Variants in EXOSC9 observed in about 807,000 individuals in gnomAD.
The protein encoded by EXOSC9 is exosome component 9.
EXOSC9 carries 38 observed loss-of-function variants against 56.5 expected under a neutral mutation model. The observed-to-expected ratio is 0.67, with a 90% CI of 0.52 to 0.88. The LOEUF (loss-of-function observed/expected upper bound fraction) is 0.88. EXOSC9 is among the 40% of genes least tolerant of loss of function. EXOSC9 has a pLI of 0.00. For synonymous variants in EXOSC9, 170 were observed against 170.8 expected (o/e 0.99, Z 0.04); for missense variants, 559 against 530.5 (o/e 1.05, Z -0.53).
At chr4:121,803,642 G>C (rs1364811503) in intron 4 of EXOSC9, among the ~76,000 whole-genome samples, 1 of 152,142 alleles carries the variant, frequency 6.6e-6, no homozygotes, top group African/African-American at 2.4e-5. Context: ...CCCTGTTCAA[G>C]CGATTCTCCC....
chr4:121,802,697 A>G lies in EXOSC9; in HGVS notation c.185A>G (p.Glu62Gly), dbSNP rs1380811512. Residue 62 changes from glutamate to glycine, a missense_variant, in exon 3 of 12, where the codon GAA becomes GGA. By Grantham distance (98) the Glu-to-Gly change is moderately conservative. Coordinates refer to ENST00000243498, the MANE Select transcript of EXOSC9 (RefSeq NM_005033.3). The part of the protein sequence containing the change: ...KTRVLGQVSC[E>G]LVSPKLNRAT... ...AGAGTTCTTGGACAGGTTTCCTGTG[A>G]ACTTGTGTCTCCAAAACTCAATCGG... 1.9e-6 allele frequency: 3 copies of G among 1,614,110 alleles called. No homozygotes were observed. The highest frequency in any genetic ancestry group is 2.5e-6 in the Non-Finnish European group (3 of 1,179,986).
intron 6 of EXOSC9, among the ~76,000 whole-genome samples, chr4:121,808,254 GA>G (rs1015430212): frequency 2.2e-4 from 30 of 133,588 alleles, no homozygotes; most frequent in African/African-American, 7.2e-4. Flanking sequence ...AAGGACTAGA[GA>G]AACACTTACA....
At chr4:121,808,518 C>T (rs577959003) in intron 6 of EXOSC9, among the ~76,000 whole-genome samples, 102 of 152,130 alleles carry the variant, frequency 6.7e-4, no homozygotes, top group African/African-American at 2.2e-3. Context: ...CACCACCATG[C>T]CTAGCTAATT....
At chr4:121,813,045 A>G (rs1169800164) in intron 8 of EXOSC9, among the ~76,000 whole-genome samples, 189 bp from the exon 9 acceptor site, 1 of 152,202 alleles carries the variant, frequency 6.6e-6, no homozygotes, top group Non-Finnish European at 1.5e-5. Flanking sequence ...GGTTTAATAA[A>G]TGATTATGCT....
intron 2 of EXOSC9, 38 bp from the exon 3 acceptor site, chr4:121,802,636 G>A (rs750254037): frequency 2.5e-6 from 4 of 1,599,602 alleles, no homozygotes; most frequent in Non-Finnish European, 3.4e-6. Flanking sequence ...TGGAAGGAGA[G>A]TCTATTTGGT....
chr4:121,811,770 A>T (rs1175910370), intron 8 of EXOSC9, 99 bp downstream of exon 8: 9 of 510,214 alleles, frequency 1.8e-5, no homozygotes, highest in Non-Finnish European at 3.4e-6. Context: ...CATGAACTTG[A>T]TTTCACATAC....
intron 8 of EXOSC9, among the ~76,000 whole-genome samples, chr4:121,812,009 G>C (rs1397805165): frequency 2.0e-5 from 3 of 152,184 alleles, no homozygotes; most frequent in Admixed American, 6.5e-5. Context: ...AAGCATTATT[G>C]ATGCAGTGAC....
chr4:121,806,283 G>A (rs1251418822), intron 5 of EXOSC9, among the ~76,000 whole-genome samples: 2 of 152,044 alleles, frequency 1.3e-5, no homozygotes, highest in African/African-American at 4.8e-5. Context: ...CTCCCAAGTA[G>A]CTGGGATTGC....
rs537463367 is a variant in EXOSC9 at position 121,816,882 on chromosome 4, A to ATAAC, written c.*29_*32dup. ...AGCTAACAGTTGTATATCTGTATATATAACTATTAAAAGGGATATTTATTC... is the reference window on the plus strand; with the variant it reads ...AGCTAACAGTTGTATATCTGTATATATAACTAACTATTAAAAGGGATATTTATTC... On this transcript the variant is annotated 3_prime_UTR_variant, in exon 12 of 12. Transcript: ENST00000243498. 88 of 1,515,220 alleles carry ATAAC rather than the reference A, an allele frequency of 5.8e-5. No individual in the cohort carries two copies. The highest frequency in any genetic ancestry group is 2.7e-4 in the South Asian group (21 of 79,136). The allele number at this position is 1,515,220 out of a possible 1,614,324, so 93.9% of individuals were successfully genotyped here.
At chr4:121,806,867 C>T (rs1466024483) in intron 5 of EXOSC9, among the ~76,000 whole-genome samples, 1 of 152,050 alleles carries the variant, frequency 6.6e-6, no homozygotes, top group Admixed American at 6.6e-5. Context: ...ACACCAGACT[C>T]CTACGGACTA....
At chr4:121,816,622 C>A in intron 11 of EXOSC9, 150 bp from the exon 12 acceptor site, 2 of 865,484 alleles carry the variant, frequency 2.3e-6, no homozygotes, top group Non-Finnish European at 3.4e-6. Context: ...AAAATTAGGA[C>A]CTAAATCTAT....
At chr4:121,809,899 T>C (rs1411812691) in intron 6 of EXOSC9, 68 bp from the exon 7 acceptor site, 13 of 1,584,750 alleles carry the variant, frequency 8.2e-6, no homozygotes, top group Non-Finnish European at 1.1e-5. Flanking sequence ...CTTTTAAAAA[T>C]TCATTACCCA....
chr4:121,816,894 A>T lies in EXOSC9; in HGVS notation c.*38A>T. The T allele has an allele frequency of 6.8e-7, 1 of 1,476,782 alleles. No individual in the cohort carries two copies. The highest frequency in any genetic ancestry group is 9.1e-7 in the Non-Finnish European group (1 of 1,103,514). The allele number at this position is 1,476,782 out of a possible 1,614,324, so 91.5% of individuals were successfully genotyped here. A position where few individuals can be genotyped will look rare whatever the true frequency, so the allele number is the denominator to read the frequency against. On this transcript the variant is annotated 3_prime_UTR_variant, in exon 12 of 12. Coordinates refer to ENST00000243498, the MANE Select transcript of EXOSC9 (RefSeq NM_005033.3). ...TATATCTGTATATATAACTATTAAAAGGGATATTTATTCCATTCTGAGAAC... is the reference window on the plus strand; with the variant it reads ...TATATCTGTATATATAACTATTAAATGGGATATTTATTCCATTCTGAGAAC...
intron 11 of EXOSC9, 142 bp from the exon 12 acceptor site, chr4:121,816,630 T>C (rs1724524644): frequency 1.1e-6 from 1 of 903,518 alleles, no homozygotes. Context: ...GACCTAAATC[T>C]ATAATATAAA....
intron 5 of EXOSC9, among the ~76,000 whole-genome samples, chr4:121,805,359 T>C (rs993106381): frequency 1.3e-5 from 2 of 152,238 alleles, no homozygotes; most frequent in Admixed American, 6.5e-5. Context: ...TTGACCTACG[T>C]TGTCTTTATC....
At chr4:121,801,599 GC>G in intron 1 of EXOSC9, 109 bp downstream of exon 1, 1 of 1,031,840 alleles carries the variant, frequency 9.7e-7, no homozygotes, top group Non-Finnish European at 1.5e-6. Flanking sequence ...GGAACGACCG[GC>G]ACGTTCACCC....
Position 121,802,971 on chromosome 4 carries a change from C to G in EXOSC9, c.338C>G (p.Ser113Trp). Residue 113 changes from serine to tryptophan, a missense_variant, in exon 4 of 12, where the codon TCG becomes TGG. Coordinates refer to ENST00000243498, the MANE Select transcript of EXOSC9 (RefSeq NM_005033.3). ...CTCATGGAAAGATGTCTAAGAAATT[C>G]GAAGTGTATAGACACTGAGTCTCTC... ...NRLMERCLRN[S>W]KCIDTESLCV... 1 of 1,613,882 alleles carries G rather than the reference C, an allele frequency of 6.2e-7. No homozygotes were observed. Among genetic ancestry groups the G allele is most frequent in the Non-Finnish European group, 8.5e-7 (1 of 1,179,900 alleles).
Position 121,804,635 on chromosome 4 carries a change from G to A in EXOSC9, c.398G>A (p.Arg133His), listed in dbSNP as rs201693852. The A allele has an allele frequency of 2.3e-5, 36 of 1,596,416 alleles. No homozygotes were observed. The highest frequency in any genetic ancestry group is 2.7e-5 in the Non-Finnish European group (31 of 1,165,522). ...ATTCACTATCAGGTTTGGCAAATAC[G>A]TGTAGACCTACATTTATTAAATCAT... is the stretch of plus-strand genomic sequence containing the variant. ...VVAGEKVWQI[R>H]VDLHLLNHDG... Residue 133 changes from arginine (R) to histidine (H), a missense_variant, in exon 5 of 12, where the codon CGT (arginine) becomes CAT (histidine). Physicochemically the swap from Arg to His is conservative, Grantham distance 29. Transcript: ENST00000243498.
intron 5 of EXOSC9, among the ~76,000 whole-genome samples, chr4:121,805,887 C>T (rs1578499228): frequency 6.7e-6 from 1 of 150,234 alleles, no homozygotes; most frequent in Admixed American, 6.6e-5. Context: ...CTCACTGTAA[C>T]CTCTGCCTCC....
Sources: allele counts gnomAD v4.1 joint callset (sites outside exome capture counted in the v4.1 genomes callset), GRCh38; gene constraint gnomAD v4.1.1; transcripts MANE v1.5; gene names NCBI Gene and HGNC (gene_info 2026-07-23, HGNC 2026-07-21).